The following FBXO4 variants were observed in gnomAD, a reference collection of about 807,000 sequenced individuals.
FBXO4 encodes F-box only protein 4.
FBXO4 carries 36 observed loss-of-function variants against 43.7 expected under a neutral mutation model. The ratio of observed to expected loss-of-function variants is 0.82; its 90% CI spans 0.63 to 1.09. The LOEUF (loss-of-function observed/expected upper bound fraction) is 1.09. FBXO4 is among the 50% of genes least tolerant of loss of function. The probability of loss-of-function intolerance (pLI) is 0.00; values close to 1 mark genes in which losing one functional copy is unlikely to be tolerated. For missense variants in FBXO4, 435 were observed against 474.1 expected (o/e 0.92, Z 0.77); for synonymous variants, 180 against 165.6 (o/e 1.09, Z -0.67).
chr5:42,016,522 A>G, the FBXO4 span, among the ~76,000 whole-genome samples: 1 of 151,994 alleles, frequency 6.6e-6, no homozygotes, highest in African/African-American at 2.4e-5. Flanking sequence ...TCAACCACAA[A>G]GCAACCTTGC....
At chr5:41,994,409 T>C in the FBXO4 span, among the ~76,000 whole-genome samples, 36 of 152,342 alleles carry the variant, frequency 2.4e-4, no homozygotes, top group South Asian at 7.5e-3. Flanking sequence ...GTAGCTTGTA[T>C]TGATGACTAC....
the FBXO4 span, among the ~76,000 whole-genome samples, chr5:42,008,062 T>C: frequency 6.6e-6 from 1 of 152,116 alleles, no homozygotes; most frequent in African/African-American, 2.4e-5. Flanking sequence ...TAAAAATCAA[T>C]GAGACATTGT....
chr5:41,936,069 G>T (rs1751841241), intron 5 of FBXO4, among the ~76,000 whole-genome samples: 1 of 152,194 alleles, frequency 6.6e-6, no homozygotes, highest in African/African-American at 2.4e-5. Flanking sequence ...CTGTTTTTAG[G>T]AGTAAATCCT....
At chr5:41,977,655 C>CA in the FBXO4 span, among the ~76,000 whole-genome samples, 1 of 152,110 alleles carries the variant, frequency 6.6e-6, no homozygotes, top group East Asian at 1.9e-4. Context: ...CCATATTTCT[C>CA]AAAAAACTCC....
chr5:41,964,887 A>G, the FBXO4 span, among the ~76,000 whole-genome samples: 1 of 152,078 alleles, frequency 6.6e-6, no homozygotes, highest in African/African-American at 2.4e-5. Flanking sequence ...CTTTAGTTTA[A>G]CTAGATCCCA....
chr5:41,981,848 A>G, the FBXO4 span, among the ~76,000 whole-genome samples: 2 of 150,614 alleles, frequency 1.3e-5, no homozygotes, highest in Non-Finnish European at 3.0e-5. Flanking sequence ...TGCTGCACCC[A>G]TTAACTCCTC....
At chr5:42,002,322 C>T in the FBXO4 span, among the ~76,000 whole-genome samples, 20 of 152,118 alleles carry the variant, frequency 1.3e-4, no homozygotes, top group African/African-American at 3.4e-4. Context: ...AAGTGCCTGC[C>T]GCACAATGAG....
the FBXO4 span, among the ~76,000 whole-genome samples, chr5:42,004,792 G>A: frequency 6.6e-6 from 1 of 152,102 alleles, no homozygotes; most frequent in Admixed American, 6.6e-5. Flanking sequence ...TGTAGAATGG[G>A]CGGTGGTGAG....
At chr5:42,029,648 T>C in the FBXO4 span, among the ~76,000 whole-genome samples, 1 of 151,982 alleles carries the variant, frequency 6.6e-6, no homozygotes, top group Non-Finnish European at 1.5e-5. Context: ...TTTTTATTTT[T>C]TCTTTTATCT....
At chr5:42,014,790 TC>T in the FBXO4 span, among the ~76,000 whole-genome samples, 1 of 152,174 alleles carries the variant, frequency 6.6e-6, no homozygotes, top group Non-Finnish European at 1.5e-5. Context: ...AATCCAAGTC[TC>T]TTTACATCCT....
At chr5:41,991,947 G>T in the FBXO4 span, among the ~76,000 whole-genome samples, 1 of 152,090 alleles carries the variant, frequency 6.6e-6, no homozygotes, top group Non-Finnish European at 1.5e-5. Flanking sequence ...GCGTGGTGGG[G>T]CATGCCTGTA....
chr5:41,932,444 G>A (rs1751717275), intron 3 of FBXO4, among the ~76,000 whole-genome samples: 1 of 152,168 alleles, frequency 6.6e-6, no homozygotes, highest in South Asian at 2.1e-4. Context: ...TAAGAGCCCT[G>A]TGTGTGTGTT....
At chr5:41,944,558 A>G (rs931472962), downstream of FBXO4, among the ~76,000 whole-genome samples, 1 of 152,216 alleles carries the variant, frequency 6.6e-6, no homozygotes, top group African/African-American at 2.4e-5. Context: ...CTCATAAATT[A>G]TTCCTAAATA....
At chr5:42,004,079 C>A in the FBXO4 span, among the ~76,000 whole-genome samples, 1 of 152,130 alleles carries the variant, frequency 6.6e-6, no homozygotes, top group African/African-American at 2.4e-5. Flanking sequence ...TTTGTAGGGA[C>A]ATGGATGAAG....
chr5:41,938,309 A>G (rs1481089153), intron 5 of FBXO4, among the ~76,000 whole-genome samples: 1 of 152,210 alleles, frequency 6.6e-6, no homozygotes, highest in African/African-American at 2.4e-5. Context: ...CTTACAAATT[A>G]AAAATGTGTA....
At chr5:42,010,499 C>T in the FBXO4 span, among the ~76,000 whole-genome samples, 1 of 147,926 alleles carries the variant, frequency 6.8e-6, no homozygotes, top group Non-Finnish European at 1.5e-5. Flanking sequence ...CAGTGTGAGC[C>T]TCCATCTCAA....
At chr5:41,957,322 T>C in the FBXO4 span, among the ~76,000 whole-genome samples, 3 of 151,238 alleles carry the variant, frequency 2.0e-5, no homozygotes, top group African/African-American at 7.3e-5. Context: ...TGTTTTAGTC[T>C]GAATAATTTA....
chr5:41,953,968 G>A, the FBXO4 span, among the ~76,000 whole-genome samples: 1 of 152,124 alleles, frequency 6.6e-6, no homozygotes, highest in African/African-American at 2.4e-5. Context: ...AAGTAAACTA[G>A]CATTCTGGAT....
At chr5:41,983,317 T>C in the FBXO4 span, among the ~76,000 whole-genome samples, 3 of 152,334 alleles carry the variant, frequency 2.0e-5, no homozygotes, top group South Asian at 6.2e-4. Flanking sequence ...ATATCCTTTA[T>C]ATGCTAATTT....
Sources: gnomAD v4.1 joint callset for allele counts (sites outside exome capture counted in the v4.1 genomes callset) on GRCh38, gnomAD v4.1.1 for gene constraint, MANE v1.5 for transcripts, NCBI Gene and HGNC (gene_info 2026-07-23, HGNC 2026-07-21) for gene names.